Variants in UNC5D observed in about 807,000 individuals in gnomAD.
UNC5D encodes unc-5 netrin receptor D, also known as netrin receptor UNC5D.
UNC5D carries 39 observed loss-of-function variants against 105.4 expected under a neutral mutation model. The ratio of observed to expected loss-of-function variants is 0.37; its 90% CI spans 0.29 to 0.48. The LOEUF (loss-of-function observed/expected upper bound fraction) is 0.48, where lower values mean the gene tolerates loss of function less well. Ranked by LOEUF, UNC5D falls within the 20% of genes least tolerant of loss-of-function variation. The pLI, the probability that UNC5D is intolerant of heterozygous loss-of-function variation, is 0.98. For synonymous variants in UNC5D, 452 were observed against 450.4 expected (o/e 1.00, Z -0.04); for missense variants, 991 against 1,202.4 (o/e 0.82, Z 2.60).
intron 1 of UNC5D, among the ~76,000 whole-genome samples, chr8:35,360,501 C>T (rs1358663124): frequency 6.6e-6 from 1 of 152,090 alleles, no homozygotes; most frequent in Non-Finnish European, 1.5e-5. Context: ...ATGCACAGCT[C>T]GGCATATTCT....
At chr8:35,576,042 G>A (rs1818066163) in intron 3 of UNC5D, among the ~76,000 whole-genome samples, 1 of 152,194 alleles carries the variant, frequency 6.6e-6, no homozygotes, top group South Asian at 2.1e-4. Flanking sequence ...CCTTGTGCCT[G>A]TGGGTGTCCA....
intron 1 of UNC5D, among the ~76,000 whole-genome samples, chr8:35,426,785 T>C (rs1402895248): frequency 6.6e-6 from 1 of 152,206 alleles, no homozygotes; most frequent in Non-Finnish European, 1.5e-5. Flanking sequence ...AGAACCATTA[T>C]TGTTAGCTAG....
intron 1 of UNC5D, among the ~76,000 whole-genome samples, chr8:35,428,227 G>T (rs2128972506): frequency 6.6e-6 from 1 of 152,052 alleles, no homozygotes. Context: ...ACCCAGGCTG[G>T]ACTGCACAGT....
At chr8:35,686,439 G>GTTA (rs1431839842) in intron 6 of UNC5D, 106 bp from the exon 7 acceptor site, 5 of 1,234,500 alleles carry the variant, frequency 4.1e-6, no homozygotes, top group Non-Finnish European at 4.3e-6. Context: ...CTGTTTGGTG[G>GTTA]TTATTTCCTT....
intron 1 of UNC5D, among the ~76,000 whole-genome samples, chr8:35,472,328 G>C (rs1467380017): frequency 1.3e-5 from 2 of 152,108 alleles, no homozygotes; most frequent in Admixed American, 1.3e-4. Flanking sequence ...ATGGTGTGAT[G>C]AGTGACTTCT....
intron 14 of UNC5D, among the ~76,000 whole-genome samples, chr8:35,762,871 C>A (rs1281335748): frequency 2.0e-5 from 3 of 152,128 alleles, no homozygotes; most frequent in Non-Finnish European, 4.4e-5. Context: ...CTTGGAGAAC[C>A]CAGTGTCTGT....
intron 1 of UNC5D, among the ~76,000 whole-genome samples, chr8:35,430,706 C>T (rs998468227): frequency 3.9e-5 from 6 of 152,144 alleles, no homozygotes; most frequent in African/African-American, 1.4e-4. Context: ...GGGGGAAAAA[C>T]CTCCACATAT....
chr8:35,260,184 G>T lies in UNC5D; in HGVS notation c.103+24297G>T, dbSNP rs567932529. Among the ~76,000 whole-genome samples the T allele has an allele frequency of 5.3e-5, 8 of 152,200 alleles. No individual in the cohort carries two copies. In the East Asian group the frequency reaches 1.2e-3, roughly 22 times the overall value. ...GTCTTCTCGAAAGTGCAGAGGGAACGGTTCACCTGTCAGGTGAGAAACAAA... is the reference window on the plus strand; with the variant it reads ...GTCTTCTCGAAAGTGCAGAGGGAACTGTTCACCTGTCAGGTGAGAAACAAA... On this transcript the variant is annotated intron_variant, in intron 1 of 16. Transcript: ENST00000404895.
In UNC5D at chr8:35,791,389, G is replaced by A. The variant is rs1253833195; in HGVS notation, c.*826G>A. On this transcript the variant is annotated 3_prime_UTR_variant, in exon 17 of 17. Transcript: ENST00000404895. ...CCACTCAAATTGCTGAGTGCTATTA[G>A]AACACAGCTTATTACATGGATATGG... The A allele has an allele frequency of 6.6e-6, 1 of 152,170 alleles. No homozygotes were observed. 9.4% of individuals were successfully genotyped at this position (152,170 alleles called of 1,614,324 possible). A position where few individuals can be genotyped will look rare whatever the true frequency, so the allele number is the denominator to read the frequency against.
chr8:35,495,916 A>G (rs1811555616), intron 1 of UNC5D, among the ~76,000 whole-genome samples: 1 of 152,212 alleles, frequency 6.6e-6, no homozygotes, highest in Admixed American at 6.5e-5. Flanking sequence ...TAAAGATACA[A>G]TGCTGAAAAA....
At chr8:35,512,569 A>ATATATATATATCTCTCTC (rs539399345) in intron 1 of UNC5D, among the ~76,000 whole-genome samples, 1 of 64,840 alleles carries the variant, frequency 1.5e-5, no homozygotes, top group African/African-American at 8.1e-5. Context: ...ATATATATAT[A>ATATATATATATCTCTCTC]TCTGAATAGA....
At chr8:35,470,460 A>C (rs1034228251) in intron 1 of UNC5D, among the ~76,000 whole-genome samples, 1 of 152,024 alleles carries the variant, frequency 6.6e-6, no homozygotes, top group Non-Finnish European at 1.5e-5. Flanking sequence ...TACTTAGTGC[A>C]AAGAATGAGC....
intron 8 of UNC5D, among the ~76,000 whole-genome samples, chr8:35,721,989 A>C (rs756041006): frequency 6.6e-6 from 1 of 152,248 alleles, no homozygotes. Context: ...AGCTACCTTA[A>C]TGCAGTTAAG....
chr8:35,666,473 T>G (rs1182275958), intron 4 of UNC5D, among the ~76,000 whole-genome samples: 2 of 147,808 alleles, frequency 1.4e-5, no homozygotes, highest in Non-Finnish European at 3.0e-5. Context: ...AAAAAAAAAG[T>G]CACAAAGGCA....
intron 1 of UNC5D, among the ~76,000 whole-genome samples, chr8:35,505,919 A>G (rs1003912512): frequency 6.6e-6 from 1 of 152,180 alleles, no homozygotes; most frequent in Non-Finnish European, 1.5e-5. Context: ...ACAACCTTAG[A>G]GGGTTATTGT....
chr8:35,634,698 A>C (rs2131096237), intron 4 of UNC5D, among the ~76,000 whole-genome samples: 1 of 152,260 alleles, frequency 6.6e-6, no homozygotes, highest in East Asian at 1.9e-4. Context: ...TTGTGCAATT[A>C]TAAGGTAAAT....
intron 1 of UNC5D, among the ~76,000 whole-genome samples, chr8:35,358,726 T>C (rs1363606976): frequency 6.6e-6 from 1 of 152,190 alleles, no homozygotes; most frequent in Non-Finnish European, 1.5e-5. Flanking sequence ...CAAGGAGTGT[T>C]CCAGTCATTC....
Position 35,520,079 on chromosome 8 carries a change from G to C in UNC5D, c.104-29213G>C, listed in dbSNP as rs138878254. ...TACACCTAGGTTATACTCTACCCAA[G>C]AGAAATGAAACACATGTTCATGTAA... On this transcript the variant is annotated intron_variant, in intron 1 of 16. Coordinates refer to ENST00000404895, the MANE Select transcript of UNC5D (RefSeq NM_080872.4). Among the ~76,000 whole-genome samples the C allele has an allele frequency of 3.6e-3, 544 of 152,098 alleles. 7 individuals are homozygous for C. Among genetic ancestry groups the C allele is most frequent in the African/African-American group, 0.012 (500 of 41,502 alleles).
chr8:35,617,792 T>A lies in UNC5D; in HGVS notation c.570+22135T>A, dbSNP rs184043986. 2.0e-5 allele frequency among the ~76,000 whole-genome samples: 3 copies of A among 152,320 alleles called. No individual in the cohort carries two copies. The East Asian group carries it at 5.8e-4, about 29-fold the overall frequency. Reference sequence around the variant, plus strand: ...ACATTCAGAACTGAACAGCTGAGAATCCCCTGCTGTGGTGAATTTTGATTT... The same window carrying A: ...ACATTCAGAACTGAACAGCTGAGAAACCCCTGCTGTGGTGAATTTTGATTT... On this transcript the variant is annotated intron_variant, in intron 4 of 16. Transcript: ENST00000404895.
Sources: gnomAD v4.1 joint callset for allele counts (sites outside exome capture counted in the v4.1 genomes callset) on GRCh38, gnomAD v4.1.1 for gene constraint, MANE v1.5 for transcripts, NCBI Gene and HGNC (gene_info 2026-07-23, HGNC 2026-07-21) for gene names.